The following RGS7 variants were observed in gnomAD, a reference collection of about 807,000 sequenced individuals.
The protein encoded by RGS7 is regulator of G-protein signaling 7.
In RGS7, 27 loss-of-function variants were observed where a neutral mutation model predicts 81.1. The ratio of observed to expected loss-of-function variants is 0.33; its 90% CI spans 0.25 to 0.46. RGS7 has a LOEUF of 0.46. Among genes scored for constraint, RGS7 ranks in the 20% least tolerant of loss-of-function variants. The pLI is 1.00. For missense variants in RGS7, 396 were observed against 607.4 expected (o/e 0.65, Z 3.66); for synonymous variants, 208 against 207.7 (o/e 1.00, Z -0.01).
chr1:240,806,894 C>A (rs1241230492), intron 14 of RGS7, among the ~76,000 whole-genome samples: 1 of 151,604 alleles, frequency 6.6e-6, no homozygotes. Flanking sequence ...TTAAAAGAGG[C>A]CTGGACATAA....
chr1:240,912,791 A>T (rs757387295), intron 6 of RGS7, among the ~76,000 whole-genome samples: 24 of 152,074 alleles, frequency 1.6e-4, no homozygotes, highest in Non-Finnish European at 3.1e-4. Flanking sequence ...CATTAATGGA[A>T]TTTTTTTCCT....
At chr1:240,874,135 G>A (rs1664953855) in intron 6 of RGS7, among the ~76,000 whole-genome samples, 1 of 152,166 alleles carries the variant, frequency 6.6e-6, no homozygotes, top group African/African-American at 2.4e-5. Flanking sequence ...ACCAGAAAGT[G>A]GGCCCTCCCC....
intron 2 of RGS7, among the ~76,000 whole-genome samples, chr1:241,224,261 A>G (rs948470522): frequency 9.0e-5 from 1 of 11,100 alleles, no homozygotes; most frequent in Non-Finnish European, 2.2e-4. Context: ...CCCACCCCTC[A>G]ACAGGCCCTG....
chr1:240,827,726 T>A (rs1024774548), intron 9 of RGS7, among the ~76,000 whole-genome samples: 3 of 151,656 alleles, frequency 2.0e-5, no homozygotes, highest in African/African-American at 7.3e-5. Context: ...TAGCTGGGCG[T>A]GGTGGCGGGT....
At position 240,905,743 on chromosome 1, in the gene RGS7, G is replaced by A. The variant is rs60975289; in HGVS notation, c.385+24974C>T. Among the ~76,000 whole-genome samples, 22 of 152,240 alleles carry A rather than the reference G, an allele frequency of 1.4e-4. No individual in the cohort carries two copies. In the East Asian group the frequency reaches 3.5e-3, roughly 24 times the overall value. On this transcript the variant is annotated intron_variant, in intron 6 of 18. Coordinates refer to ENST00000440928, the MANE Select transcript of RGS7 (RefSeq NM_001364886.1). ...GATAAAGAATTAGTCATCAGGGGAA[G>A]GTCATGCTGGAGCTACGCTGAAGGG...
At chr1:241,133,246 TA>T (rs767428706) in intron 2 of RGS7, among the ~76,000 whole-genome samples, 16 of 151,910 alleles carry the variant, frequency 1.1e-4, no homozygotes, top group Admixed American at 2.0e-4. Context: ...TAAAATTGAA[TA>T]TAAACAGCAA....
At chr1:241,159,870 A>T (rs1033037016) in intron 2 of RGS7, among the ~76,000 whole-genome samples, 1 of 147,986 alleles carries the variant, frequency 6.8e-6, no homozygotes, top group Non-Finnish European at 1.5e-5. Flanking sequence ...AAGTTAAATC[A>T]ATATGGCAGA....
At chr1:241,182,607 A>G (rs1211998261) in intron 2 of RGS7, among the ~76,000 whole-genome samples, 9 of 149,528 alleles carry the variant, frequency 6.0e-5, no homozygotes, top group Admixed American at 4.0e-4. Flanking sequence ...TAGTTTTTCC[A>G]GGTCTTATGA....
intron 3 of RGS7, among the ~76,000 whole-genome samples, chr1:241,096,525 C>T (rs1242032024): frequency 1.3e-5 from 2 of 152,106 alleles, no homozygotes; most frequent in African/African-American, 4.8e-5. Flanking sequence ...GACCTAATTA[C>T]ATTAACGTGA....
chr1:241,332,866 G>A (rs1395045204), intron 2 of RGS7, among the ~76,000 whole-genome samples: 5 of 152,160 alleles, frequency 3.3e-5, no homozygotes, highest in Non-Finnish European at 2.9e-5. Context: ...AACCACCTAG[G>A]AGGGTGTCTG....
chr1:241,010,313 C>A (rs2148659957), intron 3 of RGS7, among the ~76,000 whole-genome samples: 1 of 152,294 alleles, frequency 6.6e-6, no homozygotes, highest in South Asian at 2.1e-4. Context: ...AGTCTGGATG[C>A]TTGTGGTAGA....
chr1:240,846,948 C>T lies in RGS7; in HGVS notation c.610-19776G>A, dbSNP rs140116593. On this transcript the variant is annotated intron_variant, in intron 9 of 18. Transcript: ENST00000440928. Reference sequence around the variant, plus strand: ...TTGGCCAACAGCTTGACTGATGCCTCATGAAAGAACCTGAGCCTGCATCAC... The same window carrying T: ...TTGGCCAACAGCTTGACTGATGCCTTATGAAAGAACCTGAGCCTGCATCAC... Among the ~76,000 whole-genome samples, 71 of 152,204 alleles carry T rather than the reference C, an allele frequency of 4.7e-4. 1 individual carries two copies. Among genetic ancestry groups the T allele is most frequent in the Non-Finnish European group, 5.0e-4 (34 of 68,010 alleles).
chr1:240,823,588 G>A (rs1400942455), intron 10 of RGS7, among the ~76,000 whole-genome samples: 3 of 152,216 alleles, frequency 2.0e-5, no homozygotes, highest in Admixed American at 2.0e-4. Flanking sequence ...CCAGGGGCCT[G>A]GCGACAAGAC....
chr1:241,148,536 A>C (rs2068521208), intron 2 of RGS7, among the ~76,000 whole-genome samples: 1 of 152,242 alleles, frequency 6.6e-6, no homozygotes, highest in Non-Finnish European at 1.5e-5. Flanking sequence ...GCCTGACACA[A>C]AATAGGCTCA....
intron 2 of RGS7, among the ~76,000 whole-genome samples, chr1:241,116,141 G>A (rs1473803041): frequency 1.3e-5 from 2 of 151,952 alleles, no homozygotes; most frequent in East Asian, 1.9e-4. Flanking sequence ...TTACCCAGTC[G>A]CAGGTAGTTC....
chr1:240,989,704 T>C (rs1018045331), intron 3 of RGS7, among the ~76,000 whole-genome samples: 4 of 152,072 alleles, frequency 2.6e-5, no homozygotes, highest in African/African-American at 9.7e-5. Flanking sequence ...TTTTTTAATT[T>C]AAAAAAATTG....
intron 2 of RGS7, 72 bp downstream of exon 2, chr1:241,355,627 T>C: frequency 7.5e-7 from 1 of 1,329,148 alleles, no homozygotes; most frequent in East Asian, 2.3e-5. Flanking sequence ...ATACATACTC[T>C]GATCTAGAGG....
chr1:240,812,764 G>T, intron 13 of RGS7, among the ~76,000 whole-genome samples: 1 of 152,068 alleles, frequency 6.6e-6, no homozygotes, highest in East Asian at 1.9e-4. Context: ...GCCACACAGG[G>T]TCATGCAGGT....
At chr1:240,998,562 G>T in intron 3 of RGS7, 1 of 839,826 alleles carries the variant, frequency 1.2e-6, no homozygotes, top group Non-Finnish European at 2.0e-6. Context: ...AGAAGCTCCT[G>T]CTGGTACAGA....
Sources: gnomAD v4.1 joint callset for allele counts (sites outside exome capture counted in the v4.1 genomes callset) on GRCh38, gnomAD v4.1.1 for gene constraint, MANE v1.5 for transcripts, NCBI Gene and HGNC (gene_info 2026-07-23, HGNC 2026-07-21) for gene names.